CELSR1: variants seen among roughly 807,000 people sequenced by gnomAD.
The protein encoded by CELSR1 is adhesion G protein-coupled receptor C1.
In CELSR1, 110 loss-of-function variants were observed where a neutral mutation model predicts 249.1. The ratio of observed to expected loss-of-function variants is 0.44; its 90% CI spans 0.38 to 0.52. The LOEUF is 0.52. Among genes scored for constraint, CELSR1 ranks in the 20% least tolerant of loss-of-function variants. CELSR1 has a pLI of 0.00. For synonymous variants in CELSR1, 2,113 were observed against 1,900.0 expected (o/e 1.11, Z -2.92); for missense variants, 4,109 against 4,296.4 (o/e 0.96, Z 1.22).
At chr22:46,414,962 C>A (rs1413887535) in intron 5 of CELSR1, among the ~76,000 whole-genome samples, 2 of 152,184 alleles carry the variant, frequency 1.3e-5, no homozygotes, top group Admixed American at 6.5e-5. Context: ...GAAGCGCTGA[C>A]ACACAACGGT....
intron 1 of CELSR1, among the ~76,000 whole-genome samples, chr22:46,497,016 C>T (rs970636763): frequency 1.3e-5 from 2 of 152,180 alleles, no homozygotes; most frequent in African/African-American, 2.4e-5. Context: ...TTTTACACGA[C>T]TGGTAGCACA....
At chr22:46,465,618 G>A (rs1202858496) in intron 1 of CELSR1, among the ~76,000 whole-genome samples, 1 of 152,254 alleles carries the variant, frequency 6.6e-6, no homozygotes, top group Non-Finnish European at 1.5e-5. Flanking sequence ...AACGGAACAA[G>A]AGCAGCAGGT....
rs2080333091 is a variant in CELSR1, at chr22:46,488,053, C to A, written c.3545-23708G>T. On this transcript the variant is annotated intron_variant, in intron 1 of 34. Transcript: ENST00000674500. The surrounding 1 kb of genome is among the most constrained non-coding windows in gnomAD (Gnocchi z 4.7). ...ATGTCCAGGGTGCTGACAGGATCAG[C>A]TGACAGGGGCGTGAGGGAGGGGTGT... Among the ~76,000 whole-genome samples, 2 of 148,650 alleles carry A rather than the reference C, an allele frequency of 1.3e-5. No individual in the cohort carries two copies. Among genetic ancestry groups the A allele is most frequent in the African/African-American group, 5.0e-5 (2 of 39,814 alleles).
In CELSR1 at chr22:46,512,151, C is replaced by T. The variant is rs1433372748; in HGVS notation, c.3544+21476G>A. On this transcript the variant is annotated intron_variant, in intron 1 of 34. Transcript: ENST00000674500. This position sits in a 1 kb window ranked among gnomAD's most constrained non-coding sequence, Gnocchi z 5.2. ...GCAAACACAGCAGCAGCAAGAGTGA[C>T]GGCGGCGCTCATAAGCCCTTACTAA... Among the ~76,000 whole-genome samples the T allele has an allele frequency of 1.3e-5, 2 of 152,200 alleles. No homozygotes were observed. The highest frequency in any genetic ancestry group is 6.5e-5 in the Admixed American group (1 of 15,282).
At chr22:46,368,391 CAAG>C (rs1211326049) in intron 27 of CELSR1, among the ~76,000 whole-genome samples, 2 of 152,060 alleles carry the variant, frequency 1.3e-5, no homozygotes, top group African/African-American at 2.4e-5. Flanking sequence ...GAGGAACTGA[CAAG>C]GCCCCAGACC....
chr22:46,406,812 C>T lies in CELSR1; in HGVS notation c.5226+2184G>A, dbSNP rs941495158. On this transcript the variant is annotated intron_variant, in intron 9 of 34. Transcript: ENST00000674500. The surrounding 1 kb of genome is among the most constrained non-coding windows in gnomAD (Gnocchi z 5.4). ...CAGGCACTCCGTAAAATCCATCTCA[C>T]CTCTCACCATCTGACCTTAGCCCAG... Among the ~76,000 whole-genome samples, 2 of 152,194 alleles carry T rather than the reference C, an allele frequency of 1.3e-5. No homozygotes were observed.
Position 46,492,132 on chromosome 22 carries a change from G to A in CELSR1, c.3545-27787C>T, listed in dbSNP as rs1477780942. On this transcript the variant is annotated intron_variant, in intron 1 of 34. Coordinates refer to ENST00000674500, the MANE Select transcript of CELSR1 (RefSeq NM_001378328.1). Reference sequence around the variant, plus strand: ...AATGGCAGAAGCAGGACGTTCCCTCGGGGCTGCTTCCCAGGCTCCAGCAGG... The same window carrying A: ...AATGGCAGAAGCAGGACGTTCCCTCAGGGCTGCTTCCCAGGCTCCAGCAGG... Among the ~76,000 whole-genome samples, 7 of 152,312 alleles carry A rather than the reference G, an allele frequency of 4.6e-5. No individual in the cohort carries two copies. The South Asian group carries it at 1.2e-3, about 27-fold the overall frequency.
intron 13 of CELSR1, among the ~76,000 whole-genome samples, chr22:46,394,535 G>T (rs1022453688): frequency 3.3e-5 from 5 of 152,226 alleles, no homozygotes; most frequent in African/African-American, 7.2e-5. Flanking sequence ...ACTCATTGGG[G>T]CTTAATGACA....
rs780479369 is a variant in CELSR1, at chr22:46,535,453, G to A, written c.1718C>T (p.Thr573Met). The change falls in exon 1 of 35, where the codon ACG (threonine) becomes ATG (methionine). Residue 573 changes from threonine (T) to methionine (M), a missense_variant. This residue lies in a region of CELSR1 where 135 missense variants were observed against 190.0 expected (regional missense o/e 0.71). Transcript: ENST00000674500. ...PIFVSSPFQA[T>M]VLENVPLGYP... ...GCCCAGGGGCACATTCTCCAGCACC[G>A]TGGCCTGGAAGGGGCTGCTCACAAA... 3.9e-5 allele frequency: 63 copies of A among 1,609,578 alleles called. No individual in the cohort carries two copies. The highest frequency in any genetic ancestry group is 5.2e-5 in the Non-Finnish European group (61 of 1,177,954).
chr22:46,384,391 G>T, intron 20 of CELSR1, 152 bp downstream of exon 20: 2 of 840,430 alleles, frequency 2.4e-6, no homozygotes, highest in Non-Finnish European at 3.5e-6. Flanking sequence ...AAAACAACCT[G>T]CTGTCACCAA....
At chr22:46,435,693 A>T (rs117310355) in intron 4 of CELSR1, among the ~76,000 whole-genome samples, 1 of 152,058 alleles carries the variant, frequency 6.6e-6, no homozygotes, top group Admixed American at 6.6e-5. Context: ...CACTGTTATG[A>T]ACATCTTTTT....
Position 46,533,974 on chromosome 22 carries a change from A to G in CELSR1, c.3197T>C (p.Val1066Ala), listed in dbSNP as rs1285477136. The change falls in exon 1 of 35, where the codon GTC becomes GCC. Residue 1066 changes from valine to alanine, a missense_variant. By Grantham distance (64) the Val-to-Ala change is moderately conservative. This residue lies in a region of CELSR1 where 886 missense variants were observed against 896.5 expected (regional missense o/e 0.99). Transcript: ENST00000674500. ...LRAMVELDFEVRREYVLVVQA... is the reference protein window; with the variant it reads ...LRAMVELDFEARREYVLVVQA... ...CACCACCAGCACATACTCCCGCCGG[A>G]CCTCAAAGTCCAGCTCCACCATGGC... 2.5e-6 allele frequency: 4 copies of G among 1,613,460 alleles called. No individual in the cohort carries two copies. Among genetic ancestry groups the G allele is most frequent in the Non-Finnish European group, 3.4e-6 (4 of 1,180,020 alleles).
chr22:46,479,734 T>C (rs1350993929), intron 1 of CELSR1, among the ~76,000 whole-genome samples: 1 of 152,166 alleles, frequency 6.6e-6, no homozygotes, highest in Non-Finnish European at 1.5e-5. Flanking sequence ...TCATTTCAAG[T>C]AATAAGCTGG....
rs183286943 is a variant in CELSR1, at chr22:46,393,054, G to C, written c.5964+1088C>G. Among the ~76,000 whole-genome samples the C allele has an allele frequency of 2.4e-4, 36 of 152,308 alleles. 1 individual carries two copies. The highest frequency in any genetic ancestry group is 3.4e-3 in the Middle Eastern group (1 of 294). On this transcript the variant is annotated intron_variant, in intron 14 of 34. Coordinates refer to ENST00000674500, the MANE Select transcript of CELSR1 (RefSeq NM_001378328.1). The surrounding 1 kb of genome is among the most constrained non-coding windows in gnomAD (Gnocchi z 4.1). The stretch of plus-strand genomic sequence containing the variant: ...CTGTTGGAACCACCGCAGGCACTGG[G>C]GGGGGACACTACTGACATCACGAGA...
intron 2 of CELSR1, among the ~76,000 whole-genome samples, chr22:46,451,888 A>T (rs1482317299): frequency 6.6e-6 from 1 of 152,164 alleles, no homozygotes; most frequent in African/African-American, 2.4e-5. Flanking sequence ...TGCAATCACA[A>T]CATGAATTAT....
rs1430879187 is a variant in CELSR1, at chr22:46,518,786, A to T, written c.3544+14841T>A. 6.6e-6 allele frequency among the ~76,000 whole-genome samples: 1 copy of T among 152,108 alleles called. No homozygotes were observed. Among genetic ancestry groups the T allele is most frequent in the Non-Finnish European group, 1.5e-5 (1 of 68,022 alleles). Reference sequence around the variant, plus strand: ...CGCGGTGGCTCGCCTGTAATCCAGCACTTTGGGAGGCCAAGGCGGGTGGAT... The same window carrying T: ...CGCGGTGGCTCGCCTGTAATCCAGCTCTTTGGGAGGCCAAGGCGGGTGGAT... On this transcript the variant is annotated intron_variant, in intron 1 of 34. Coordinates refer to ENST00000674500, the MANE Select transcript of CELSR1 (RefSeq NM_001378328.1). The surrounding 1 kb of genome is among the most constrained non-coding windows in gnomAD (Gnocchi z 5.2).
rs149176857 is a variant in CELSR1, at chr22:46,394,110, A to G, written c.5964+32T>C. The G allele has an allele frequency of 1.1e-3, 1,788 of 1,605,814 alleles. 18 individuals are homozygous for G. The African/African-American group carries it at 0.021, about 19-fold the overall frequency. ...GCTGTGCATGTGTGTGAGCAAACAC[A>G]GCATGCAGGGATCATGGGGGCGGGG... On this transcript the variant is annotated intron_variant, in intron 14 of 34. Transcript: ENST00000674500.
In CELSR1 at chr22:46,384,663, T is replaced by A; in HGVS notation, c.6763A>T (p.Lys2255Ter). 6.2e-7 allele frequency: 1 copy of A among 1,613,034 alleles called. No homozygotes were observed. The highest frequency in any genetic ancestry group is 8.5e-7 in the Non-Finnish European group (1 of 1,179,542). Residue 2255 changes from lysine (K) to a stop codon, truncating the protein, a stop_gained, in exon 20 of 35, where the codon AAG becomes TAG. Transcript: ENST00000674500. LOFTEE classifies it high-confidence loss of function. ...NMILAVDIFD[K>*]FNFTGARVPR... ...ACCCTGGCTCCCGTAAAGTTGAACT[T>A]GTCAAAGATGTCGACAGCAAGAACT...
rs2080750728 is a variant in CELSR1, at chr22:46,527,558, C to T, written c.3544+6069G>A. Among the ~76,000 whole-genome samples the T allele has an allele frequency of 6.6e-6, 1 of 152,218 alleles. No individual in the cohort carries two copies. The highest frequency in any genetic ancestry group is 6.5e-5 in the Admixed American group (1 of 15,278). On this transcript the variant is annotated intron_variant, in intron 1 of 34. Coordinates refer to ENST00000674500, the MANE Select transcript of CELSR1 (RefSeq NM_001378328.1). The surrounding 1 kb of genome is among the most constrained non-coding windows in gnomAD (Gnocchi z 5.5). Reference sequence around the variant, plus strand: ...CAGCCCCCTTGCTCATCGGATGGTCCATCTCCACCCAGCCGCAGAAGTCAG... The same window carrying T: ...CAGCCCCCTTGCTCATCGGATGGTCTATCTCCACCCAGCCGCAGAAGTCAG...
Sources: gnomAD v4.1 joint callset for allele counts (sites outside exome capture counted in the v4.1 genomes callset) on GRCh38, gnomAD v4.1.1 for gene constraint, gnomAD v4.1.1 regional missense constraint, Gnocchi (gnomAD v3.1) non-coding constraint, MANE v1.5 for transcripts, NCBI Gene and HGNC (gene_info 2026-07-23, HGNC 2026-07-21) for gene names.